Variants in BBS9 observed in about 807,000 individuals in gnomAD.
BBS9 encodes protein PTHB1.
BBS9 carries 89 observed loss-of-function variants against 117.7 expected under a neutral mutation model. That is an observed-to-expected ratio of 0.76 (90% CI 0.64 to 0.90). The LOEUF is 0.90. Among genes scored for constraint, BBS9 ranks in the 40% least tolerant of loss-of-function variants. The probability of loss-of-function intolerance (pLI) is 0.00; values close to 1 mark genes in which losing one functional copy is unlikely to be tolerated. For missense variants in BBS9, 982 were observed against 1,042.2 expected (o/e 0.94, Z 0.80); for synonymous variants, 379 against 370.9 (o/e 1.02, Z -0.25).
chr7:33,442,748 A>C (rs1456343572), intron 19 of BBS9, among the ~76,000 whole-genome samples: 1 of 152,218 alleles, frequency 6.6e-6, no homozygotes, highest in Admixed American at 6.5e-5. Context: ...TGCATTAAGC[A>C]TAATGTGATC....
chr7:33,566,305 T>C (rs1337504597), intron 21 of BBS9, among the ~76,000 whole-genome samples: 1 of 148,206 alleles, frequency 6.7e-6, no homozygotes, highest in Non-Finnish European at 1.5e-5. Context: ...GATATGCATG[T>C]AATATATATA....
At chr7:33,316,371 C>T (rs571333849) in intron 9 of BBS9, among the ~76,000 whole-genome samples, 98 of 151,964 alleles carry the variant, frequency 6.4e-4, no homozygotes, top group Non-Finnish European at 1.3e-3. Context: ...CTGTGTAAAT[C>T]TTTTTGTGGA....
intron 19 of BBS9, among the ~76,000 whole-genome samples, chr7:33,452,258 G>A (rs1837996703): frequency 6.6e-6 from 1 of 151,332 alleles, no homozygotes; most frequent in African/African-American, 2.4e-5. Flanking sequence ...CCTTGGTTAA[G>A]TTTATTACTA....
chr7:33,520,392 C>G (rs892220933), intron 20 of BBS9, among the ~76,000 whole-genome samples: 1 of 152,158 alleles, frequency 6.6e-6, no homozygotes, highest in Non-Finnish European at 1.5e-5. Context: ...AAAAGATAAA[C>G]TTTAGAGAGA....
At chr7:33,477,900 T>C (rs1337164374) in intron 19 of BBS9, among the ~76,000 whole-genome samples, 1 of 152,176 alleles carries the variant, frequency 6.6e-6, no homozygotes, top group African/African-American at 2.4e-5. Context: ...TTGAAACTTT[T>C]GGGTTGTGTC....
intron 21 of BBS9, among the ~76,000 whole-genome samples, chr7:33,548,459 C>G (rs1334741341): frequency 6.6e-6 from 1 of 151,088 alleles, no homozygotes; most frequent in Non-Finnish European, 1.5e-5. Flanking sequence ...AACTCGTCAT[C>G]TAGCATTATG....
intron 20 of BBS9, among the ~76,000 whole-genome samples, chr7:33,509,575 A>G (rs911702880): frequency 2.6e-5 from 4 of 152,350 alleles, no homozygotes; most frequent in African/African-American, 9.6e-5. Context: ...AAAACTTTAG[A>G]CATGTGGACG....
intron 9 of BBS9, among the ~76,000 whole-genome samples, chr7:33,328,969 TAAAAAAGGA>T (rs1813394988): frequency 6.6e-6 from 1 of 151,080 alleles, no homozygotes; most frequent in African/African-American, 2.4e-5. Flanking sequence ...TTTTTTTTCT[TAAAAAAGGA>T]TAAGGTTTTC....
At chr7:33,386,807 A>C (rs1354401087) in intron 18 of BBS9, among the ~76,000 whole-genome samples, 1 of 151,954 alleles carries the variant, frequency 6.6e-6, no homozygotes, top group Non-Finnish European at 1.5e-5. Flanking sequence ...TTCTTTTAAC[A>C]ATATTAATTT....
intron 5 of BBS9, among the ~76,000 whole-genome samples, chr7:33,251,607 G>A (rs1796237289): frequency 6.6e-6 from 1 of 152,216 alleles, no homozygotes; most frequent in Non-Finnish European, 1.5e-5. Flanking sequence ...GTGGGAAATA[G>A]CAAGCAGTTA....
At chr7:33,635,188 G>A (rs1169175316) in exon 22 of BBS9, among the ~76,000 whole-genome samples, 1 of 151,094 alleles carries the variant, frequency 6.6e-6, no homozygotes, top group Non-Finnish European at 1.5e-5. Flanking sequence ...CCCCAGGACT[G>A]GACAGAGGAT....
chr7:33,304,463 A>C (rs57302264), intron 9 of BBS9, among the ~76,000 whole-genome samples: 17,741 of 122,214 alleles, frequency 0.15, 1,280 homozygotes, highest in African/African-American at 0.25. Context: ...GCCCGGCCGC[A>C]ACCCCATCTG....
chr7:33,618,114 A>G (rs1865231439), intron 21 of BBS9, among the ~76,000 whole-genome samples: 1 of 152,134 alleles, frequency 6.6e-6, no homozygotes, highest in African/African-American at 2.4e-5. Context: ...CCAAGGCAGG[A>G]TGATTGCCTT....
intron 4 of BBS9, among the ~76,000 whole-genome samples, chr7:33,156,666 T>TGTTG (rs1794135346): frequency 6.6e-6 from 1 of 152,186 alleles, no homozygotes; most frequent in African/African-American, 2.4e-5. Flanking sequence ...AGTAAATACT[T>TGTTG]GTTGAATGAA....
intron 5 of BBS9, among the ~76,000 whole-genome samples, chr7:33,208,751 A>G (rs1357393610): frequency 6.6e-6 from 1 of 152,010 alleles, no homozygotes; most frequent in Non-Finnish European, 1.5e-5. Flanking sequence ...CTAGGAGGGT[A>G]GGGGGAAGTG....
chr7:33,199,077 G>A (rs1170798260), intron 5 of BBS9, among the ~76,000 whole-genome samples: 1 of 151,798 alleles, frequency 6.6e-6, no homozygotes, highest in Non-Finnish European at 1.5e-5. Context: ...ATATAATTTG[G>A]GAACCCAATC....
At chr7:33,193,991 T>C (rs186995475) in intron 5 of BBS9, among the ~76,000 whole-genome samples, 196 of 152,332 alleles carry the variant, frequency 1.3e-3, no homozygotes, top group African/African-American at 4.5e-3. Context: ...CAATTCCTCC[T>C]CTCGCCTGTC....
intron 19 of BBS9, among the ~76,000 whole-genome samples, chr7:33,408,381 T>G (rs1057445856): frequency 6.6e-6 from 1 of 152,136 alleles, no homozygotes; most frequent in Admixed American, 6.5e-5. Flanking sequence ...CCTGACCCCT[T>G]GCACTTCCCG....
chr7:33,216,032 G>A (rs1023532205), intron 5 of BBS9, among the ~76,000 whole-genome samples: 2 of 152,170 alleles, frequency 1.3e-5, no homozygotes, highest in Non-Finnish European at 2.9e-5. Flanking sequence ...GCCATCTGTA[G>A]TTCATTGTTA....
Sources: allele counts gnomAD v4.1 joint callset (sites outside exome capture counted in the v4.1 genomes callset), GRCh38; gene constraint gnomAD v4.1.1; transcripts MANE v1.5; gene names NCBI Gene and HGNC (gene_info 2026-07-23, HGNC 2026-07-21).